The following CSRNP3 variants were observed in gnomAD, a reference collection of about 807,000 sequenced individuals.
CSRNP3 encodes the protein cysteine and serine rich nuclear protein 3, also known as cysteine/serine-rich nuclear protein 3.
Under a neutral mutation model 48.0 loss-of-function variants are expected in CSRNP3, and 12 were observed. The ratio of observed to expected loss-of-function variants is 0.25; its 90% confidence interval spans 0.16 to 0.41. The LOEUF (loss-of-function observed/expected upper bound fraction) is 0.41, where lower values mean the gene tolerates loss of function less well. Ranked by LOEUF, CSRNP3 falls within the 10% of genes least tolerant of loss-of-function variation. CSRNP3 has a pLI of 1.00. For missense variants in CSRNP3, 580 were observed against 724.4 expected, an observed-to-expected ratio of 0.80 and a Z score of 2.29; for synonymous variants, 263 against 269.7, an observed-to-expected ratio of 0.98 and a Z score of 0.24.
At chr2:165,588,968 A>G (rs1685673727) in intron 3 of CSRNP3, among the ~76,000 whole-genome samples, 1 of 152,132 alleles carries the variant, frequency 6.6e-6, no homozygotes, top group African/African-American at 2.4e-5. Context: ...AAAACTAACA[A>G]ATAAAAATAA....
intron 4 of CSRNP3, among the ~76,000 whole-genome samples, chr2:165,615,923 G>C (rs560207154): frequency 5.0e-5 from 7 of 139,926 alleles, no homozygotes; most frequent in African/African-American, 1.9e-4. Context: ...TACAGATTGG[G>C]TCTCACTATG....
chr2:165,589,425 A>G (rs1363704471), intron 3 of CSRNP3, among the ~76,000 whole-genome samples: 4 of 152,222 alleles, frequency 2.6e-5, no homozygotes, highest in Non-Finnish European at 5.9e-5. Context: ...ATGAAATTGG[A>G]CAGGTATTCT....
chr2:165,475,155 C>T (rs1683944317), intron 1 of CSRNP3, among the ~76,000 whole-genome samples: 1 of 151,834 alleles, frequency 6.6e-6, no homozygotes, highest in Non-Finnish European at 1.5e-5. Flanking sequence ...CGTTTTAAAG[C>T]AGAAAGATTC....
At chr2:165,597,278 G>T (rs534927234) in intron 4 of CSRNP3, among the ~76,000 whole-genome samples, 2 of 152,100 alleles carry the variant, frequency 1.3e-5, no homozygotes, top group Non-Finnish European at 2.9e-5. Flanking sequence ...TTTCTAGGGC[G>T]CCCAGGCATT....
chr2:165,489,106 A>G (rs1274146589), intron 1 of CSRNP3, among the ~76,000 whole-genome samples: 7 of 149,748 alleles, frequency 4.7e-5, no homozygotes, highest in Non-Finnish European at 4.5e-5. Flanking sequence ...AAAAAATGAT[A>G]AAGGGGATAT....
rs1288650750 is a variant in CSRNP3 at position 165,622,440 on chromosome 2, A to G, written c.148+27227A>G. 2.0e-5 allele frequency among the ~76,000 whole-genome samples: 3 copies of G among 152,208 alleles called. No homozygotes were observed. The East Asian group carries it at 5.8e-4, about 29-fold the overall frequency. On this transcript the variant is annotated intron_variant, in intron 4 of 6. Coordinates refer to ENST00000651982, the MANE Select transcript of CSRNP3 (RefSeq NM_001172173.2). ...CAACAAAATAATAATAGCTTTAGTT[A>G]CATTGTATAGTTTATGTTTAAGCAT...
At chr2:165,529,503 G>A (rs1374691930) in intron 3 of CSRNP3, among the ~76,000 whole-genome samples, 1 of 152,106 alleles carries the variant, frequency 6.6e-6, no homozygotes, top group African/African-American at 2.4e-5. Flanking sequence ...CAACCACGTG[G>A]AATTGTGTGT....
chr2:165,508,181 T>C lies in CSRNP3; in HGVS notation c.-112-9692T>C, dbSNP rs908216455. On this transcript the variant is annotated intron_variant, in intron 2 of 6. Transcript: ENST00000651982. ...TGACTAACATAGTCTGCAGTTTAGC[T>C]GTGTTCCCAGGACCATCTGTAAGAA... Among the ~76,000 whole-genome samples the C allele has an allele frequency of 2.0e-5, 3 of 152,128 alleles. No individual in the cohort carries two copies. The South Asian group carries it at 6.2e-4, about 31-fold the overall frequency.
chr2:165,519,564 T>C (rs772104943), intron 3 of CSRNP3, among the ~76,000 whole-genome samples: 3 of 152,176 alleles, frequency 2.0e-5, no homozygotes, highest in African/African-American at 7.2e-5. Flanking sequence ...AACTTCTTAT[T>C]TGAAAAATCA....
chr2:165,576,362 G>A (rs918491220), intron 3 of CSRNP3, among the ~76,000 whole-genome samples: 3 of 151,892 alleles, frequency 2.0e-5, no homozygotes, highest in African/African-American at 7.2e-5. Context: ...GTGTGTTTTA[G>A]GCAGAGAGGG....
chr2:165,629,948 A>G (rs1327920995), intron 4 of CSRNP3, among the ~76,000 whole-genome samples: 2 of 152,188 alleles, frequency 1.3e-5, no homozygotes, highest in Admixed American at 1.3e-4. Context: ...AGAGGACCCC[A>G]AGCTGATTTC....
chr2:165,566,823 G>A (rs1221008239), intron 3 of CSRNP3: 1 of 151,842 alleles, frequency 6.6e-6, no homozygotes, highest in Non-Finnish European at 1.5e-5. Flanking sequence ...TAACGTATCA[G>A]AACAATGAAC....
intron 4 of CSRNP3, among the ~76,000 whole-genome samples, chr2:165,615,399 C>CG: frequency 6.6e-6 from 1 of 151,768 alleles, no homozygotes; most frequent in East Asian, 1.9e-4. Context: ...AAAAATTAGC[C>CG]GGGTGTGGTG....
At chr2:165,672,885 G>A (rs1687353939) in intron 5 of CSRNP3, among the ~76,000 whole-genome samples, 1 of 152,104 alleles carries the variant, frequency 6.6e-6, no homozygotes, top group South Asian at 2.1e-4. Context: ...GGACTTCAAG[G>A]GGATAGCAGG....
At chr2:165,561,271 C>T (rs1574838117) in intron 3 of CSRNP3, among the ~76,000 whole-genome samples, 2 of 152,126 alleles carry the variant, frequency 1.3e-5, no homozygotes, top group African/African-American at 2.4e-5. Flanking sequence ...GTCCTTCTAC[C>T]TTTGATGTCT....
chr2:165,641,693 G>A (rs1374144598), intron 4 of CSRNP3, among the ~76,000 whole-genome samples: 2 of 152,150 alleles, frequency 1.3e-5, no homozygotes, highest in African/African-American at 4.8e-5. Flanking sequence ...ATTGAAGCCT[G>A]TGTACCTGAG....
At chr2:165,493,507 G>A (rs1361184148) in intron 1 of CSRNP3, among the ~76,000 whole-genome samples, 1 of 152,060 alleles carries the variant, frequency 6.6e-6, no homozygotes, top group Non-Finnish European at 1.5e-5. Flanking sequence ...TTCAAGTTGG[G>A]ATTTAAATTA....
chr2:165,638,213 G>A (rs1291250536), intron 4 of CSRNP3, among the ~76,000 whole-genome samples: 1 of 152,174 alleles, frequency 6.6e-6, no homozygotes, highest in Admixed American at 6.5e-5. Context: ...TATAATCCCA[G>A]CACTTTGGGA....
chr2:165,503,892 A>G (rs1684390805), intron 2 of CSRNP3, among the ~76,000 whole-genome samples: 1 of 151,966 alleles, frequency 6.6e-6, no homozygotes. Context: ...CATAGGATAT[A>G]CTTTGTCCTA....
Sources: allele counts gnomAD v4.1 joint callset (sites outside exome capture counted in the v4.1 genomes callset), GRCh38; gene constraint gnomAD v4.1.1; transcripts MANE v1.5; gene names NCBI Gene and HGNC (gene_info 2026-07-23, HGNC 2026-07-21).